The following PRKN variants were observed in gnomAD, a reference collection of about 807,000 sequenced individuals.
The protein encoded by PRKN is parkin RBR E3 ubiquitin protein ligase, also known as E3 ubiquitin-protein ligase parkin.
PRKN carries 56 observed loss-of-function variants against 59.5 expected under a neutral mutation model. The observed-to-expected ratio is 0.94, with a 90% confidence interval of 0.76 to 1.18. The LOEUF is 1.18. PRKN is among the 50% of genes most tolerant of loss of function. PRKN has a pLI of 0.00. For missense variants in PRKN, 657 were observed against 596.4 expected, an observed-to-expected ratio of 1.10 and a Z score of -1.06; for synonymous variants, 250 against 222.1, an observed-to-expected ratio of 1.13 and a Z score of -1.12.
intron 7 of PRKN, among the ~76,000 whole-genome samples, chr6:161,766,258 T>C (rs767234474): frequency 6.6e-6 from 1 of 151,954 alleles, no homozygotes; most frequent in Non-Finnish European, 1.5e-5. Context: ...AAAGTATTGA[T>C]ATGGAAGTCT....
chr6:162,097,323 T>C (rs1779788387), intron 4 of PRKN, among the ~76,000 whole-genome samples: 1 of 152,212 alleles, frequency 6.6e-6, no homozygotes, highest in Admixed American at 6.5e-5. Flanking sequence ...ATATTATGTG[T>C]CTTGTGTTCA....
rs1194621297 is a variant in PRKN at position 161,579,284 on chromosome 6, A to T, written c.872-9868T>A. 6.6e-6 allele frequency among the ~76,000 whole-genome samples: 1 copy of T among 152,192 alleles called. No individual in the cohort carries two copies. The highest frequency in any genetic ancestry group is 2.4e-5 in the African/African-American group (1 of 41,454). On this transcript the variant is annotated intron_variant, in intron 7 of 11. Transcript: ENST00000366898. The surrounding 1 kb of genome is among the most constrained non-coding windows in gnomAD (Gnocchi z 4.2). ...GAATCTGTGGGACTGTCATCCCCCAAGTGGGTGTAACCAAAAAGGGCACTT... is the reference window on the plus strand; with the variant it reads ...GAATCTGTGGGACTGTCATCCCCCATGTGGGTGTAACCAAAAAGGGCACTT...
intron 3 of PRKN, among the ~76,000 whole-genome samples, chr6:162,227,933 T>TA (rs200671069): frequency 0.014 from 1,977 of 141,718 alleles, 39 homozygotes; most frequent in East Asian, 0.093. Context: ...GTAGTTCCAT[T>TA]AAAAAAAAAA....
chr6:161,759,154 C>T (rs550835164), intron 7 of PRKN, among the ~76,000 whole-genome samples: 10 of 144,450 alleles, frequency 6.9e-5, no homozygotes, highest in African/African-American at 1.6e-4. Flanking sequence ...TCCAGCCTGG[C>T]GACAGAGTGA....
At chr6:162,569,442 C>T in intron 1 of PRKN, 1 of 686,154 alleles carries the variant, frequency 1.5e-6, no homozygotes, top group South Asian at 1.4e-5. Flanking sequence ...ATCGAGATTG[C>T]CACCTACAGG....
intron 5 of PRKN, among the ~76,000 whole-genome samples, chr6:162,045,357 G>T (rs983697024): frequency 3.3e-5 from 5 of 152,158 alleles, no homozygotes; most frequent in South Asian, 2.1e-4. Context: ...GATCACCACT[G>T]AAGTTATTTT....
At chr6:162,704,675 AAATT>A (rs1778275741) in intron 1 of PRKN, among the ~76,000 whole-genome samples, 1 of 152,202 alleles carries the variant, frequency 6.6e-6, no homozygotes, top group Non-Finnish European at 1.5e-5. Context: ...AATGTGTTCT[AAATT>A]AAAAAACCAA....
At chr6:162,280,307 C>T (rs1193487094) in intron 2 of PRKN, among the ~76,000 whole-genome samples, 1 of 151,992 alleles carries the variant, frequency 6.6e-6, no homozygotes, top group Non-Finnish European at 1.5e-5. Flanking sequence ...GAAATTAAGG[C>T]AGAAATAACA....
intron 7 of PRKN, among the ~76,000 whole-genome samples, chr6:161,767,245 G>A (rs1789461501): frequency 6.6e-6 from 1 of 152,208 alleles, no homozygotes; most frequent in Admixed American, 6.5e-5. Context: ...CGGGCACGGT[G>A]GCTCATGCCT....
At chr6:162,304,277 GT>G (rs1272985807) in intron 2 of PRKN, among the ~76,000 whole-genome samples, 4 of 150,260 alleles carry the variant, frequency 2.7e-5, no homozygotes, top group Non-Finnish European at 5.9e-5. Context: ...TATTTATGCT[GT>G]TTTTTTCTCC....
In PRKN at chr6:161,636,866, C is replaced by T. The variant is rs60564562; in HGVS notation, c.872-67450G>A. On this transcript the variant is annotated intron_variant, in intron 7 of 11. Coordinates refer to ENST00000366898, the MANE Select transcript of PRKN (RefSeq NM_004562.3). ...ACAGAAAGGCAGGAGGAGGGATGACCGGCCGCACGTCAACAGCTGTAAGCA... is the reference window on the plus strand; with the variant it reads ...ACAGAAAGGCAGGAGGAGGGATGACTGGCCGCACGTCAACAGCTGTAAGCA... 4.2e-3 allele frequency among the ~76,000 whole-genome samples: 645 copies of T among 152,216 alleles called. 5 individuals are homozygous for T. The highest frequency in any genetic ancestry group is 0.015 in the African/African-American group (608 of 41,538).
chr6:162,534,502 T>G (rs1778638895), intron 1 of PRKN, among the ~76,000 whole-genome samples: 1 of 152,220 alleles, frequency 6.6e-6, no homozygotes, highest in African/African-American at 2.4e-5. Context: ...TTTTCTTCAT[T>G]AGACCGCACA....
At chr6:161,708,654 T>A (rs1378598377) in intron 7 of PRKN, among the ~76,000 whole-genome samples, 1 of 152,198 alleles carries the variant, frequency 6.6e-6, no homozygotes, top group African/African-American at 2.4e-5. Context: ...GAGCTCCTTC[T>A]ATGTTCTGCA....
chr6:161,999,389 G>T (rs1317911655), intron 5 of PRKN, among the ~76,000 whole-genome samples: 2 of 152,046 alleles, frequency 1.3e-5, no homozygotes, highest in Non-Finnish European at 2.9e-5. Context: ...TCATGAAAAA[G>T]AGTGACTGTC....
At chr6:161,808,126 T>C (rs75018104) in intron 6 of PRKN, among the ~76,000 whole-genome samples, 5,826 of 152,220 alleles carry the variant, frequency 0.038, 359 homozygotes, top group African/African-American at 0.13. Context: ...GCAGGACTAG[T>C]ATAAATGATG....
intron 6 of PRKN, among the ~76,000 whole-genome samples, chr6:161,929,103 T>C (rs6904746): frequency 0.016 from 2,411 of 152,232 alleles, 64 homozygotes; most frequent in African/African-American, 0.054. Context: ...ATAAACAAAA[T>C]GTGGCATATA....
chr6:162,628,438 C>G (rs1782982549), intron 1 of PRKN, among the ~76,000 whole-genome samples: 1 of 152,054 alleles, frequency 6.6e-6, no homozygotes, highest in African/African-American at 2.4e-5. Context: ...GATGCATTTC[C>G]TAAATTAGCT....
At chr6:162,574,553 T>C (rs1332016726) in intron 1 of PRKN, among the ~76,000 whole-genome samples, 3 of 152,204 alleles carry the variant, frequency 2.0e-5, no homozygotes, top group Admixed American at 6.5e-5. Flanking sequence ...GAAGCAATAC[T>C]GCTACTTATT....
At chr6:161,885,481 A>G (rs190942822) in intron 6 of PRKN, among the ~76,000 whole-genome samples, 1,800 of 152,096 alleles carry the variant, frequency 0.012, 27 homozygotes, top group African/African-American at 0.036. Context: ...TGGCTAACAC[A>G]GTGAAACCCC....
Sources: allele counts gnomAD v4.1 joint callset (sites outside exome capture counted in the v4.1 genomes callset), GRCh38; gene constraint gnomAD v4.1.1; non-coding constraint Gnocchi (gnomAD v3.1); transcripts MANE v1.5; gene names NCBI Gene and HGNC (gene_info 2026-07-23, HGNC 2026-07-21).